The following ABTB3 variants were observed in gnomAD, a reference collection of about 807,000 sequenced individuals.
ABTB3 encodes the protein ankyrin repeat- and BTB/POZ domain-containing protein 3.
the ABTB3 span, among the ~76,000 whole-genome samples, chr12:107,414,880 ATTTT>A: frequency 6.6e-6 from 1 of 151,340 alleles, no homozygotes; most frequent in Non-Finnish European, 1.5e-5. Context: ...ACCATGCCTG[ATTTT>A]TGTATTTTTA....
chr12:107,582,798 G>T, the ABTB3 span, among the ~76,000 whole-genome samples: 1 of 152,116 alleles, frequency 6.6e-6, no homozygotes, highest in East Asian at 1.9e-4. Flanking sequence ...GGGGTGGGCG[G>T]GGCACATTCT....
the ABTB3 span, among the ~76,000 whole-genome samples, chr12:107,639,148 G>A: frequency 6.6e-6 from 1 of 152,216 alleles, no homozygotes; most frequent in African/African-American, 2.4e-5. Context: ...TAAAGGAACA[G>A]TGTGTGCAGA....
chr12:107,439,056 C>T, the ABTB3 span, among the ~76,000 whole-genome samples: 1 of 152,150 alleles, frequency 6.6e-6, no homozygotes, highest in African/African-American at 2.4e-5. Flanking sequence ...GGAAGTGTGG[C>T]TACCATTTGT....
chr12:107,349,773 A>G, the ABTB3 span, among the ~76,000 whole-genome samples: 1 of 152,230 alleles, frequency 6.6e-6, no homozygotes, highest in Non-Finnish European at 1.5e-5. Context: ...TGCATCCTAT[A>G]TTTTAACTGC....
the ABTB3 span, among the ~76,000 whole-genome samples, chr12:107,421,431 C>A: frequency 1.3e-5 from 2 of 152,290 alleles, no homozygotes; most frequent in South Asian, 2.1e-4. Context: ...CAGAAGGGAG[C>A]ACCCGCTCTG....
chr12:107,421,419 G>A, the ABTB3 span, among the ~76,000 whole-genome samples: 3 of 152,314 alleles, frequency 2.0e-5, no homozygotes, highest in East Asian at 3.9e-4. Context: ...ATATATTGGT[G>A]CCAGAAGGGA....
chr12:107,533,566 C>T, the ABTB3 span, among the ~76,000 whole-genome samples: 1 of 152,094 alleles, frequency 6.6e-6, no homozygotes, highest in Non-Finnish European at 1.5e-5. Context: ...CTCCTTTTAG[C>T]AAGAGAATAT....
At chr12:107,441,520 A>G in the ABTB3 span, among the ~76,000 whole-genome samples, 1 of 152,058 alleles carries the variant, frequency 6.6e-6, no homozygotes, top group Non-Finnish European at 1.5e-5. Context: ...TGGGCTTAAT[A>G]CCTAGGTGAT....
the ABTB3 span, among the ~76,000 whole-genome samples, chr12:107,324,595 T>C: frequency 3.0e-4 from 46 of 152,354 alleles, no homozygotes; most frequent in African/African-American, 1.0e-3. Context: ...TAGTCCCTTA[T>C]GTTAATTGGG....
At chr12:107,434,722 G>A in the ABTB3 span, among the ~76,000 whole-genome samples, 1 of 152,088 alleles carries the variant, frequency 6.6e-6, no homozygotes, top group Admixed American at 6.6e-5. Flanking sequence ...AAATTAGCAG[G>A]TCATGGTGGT....
At chr12:107,462,253 A>G in the ABTB3 span, among the ~76,000 whole-genome samples, 11 of 152,240 alleles carry the variant, frequency 7.2e-5, no homozygotes, top group African/African-American at 7.2e-5. Flanking sequence ...CAATGAATGA[A>G]ACTATCTTGA....
the ABTB3 span, among the ~76,000 whole-genome samples, chr12:107,417,570 T>G: frequency 0.062 from 9,381 of 152,278 alleles, 841 homozygotes; most frequent in African/African-American, 0.2. Context: ...CTCAGGCAAG[T>G]TATTCAACCT....
At chr12:107,456,424 G>A in the ABTB3 span, among the ~76,000 whole-genome samples, 21 of 152,306 alleles carry the variant, frequency 1.4e-4, no homozygotes, top group South Asian at 1.7e-3. Context: ...GGCACGAACC[G>A]TATTGTGAAC....
At chr12:107,617,480 G>T in the ABTB3 span, 15 of 1,606,524 alleles carry the variant, frequency 9.3e-6, no homozygotes, top group Non-Finnish European at 1.3e-5. Context: ...AGTGGTGTTT[G>T]TTAAAAATGC....
At chr12:107,469,675 A>G in the ABTB3 span, among the ~76,000 whole-genome samples, 1 of 152,152 alleles carries the variant, frequency 6.6e-6, no homozygotes. Context: ...GGTGGTTGTG[A>G]AGATTTGACT....
chr12:107,504,189 TAA>T, the ABTB3 span, among the ~76,000 whole-genome samples: 1 of 152,242 alleles, frequency 6.6e-6, no homozygotes, highest in African/African-American at 2.4e-5. Context: ...CTAATGTTTT[TAA>T]AAGACAATTT....
At chr12:107,641,824 C>T in the ABTB3 span, among the ~76,000 whole-genome samples, 2 of 152,216 alleles carry the variant, frequency 1.3e-5, no homozygotes, top group African/African-American at 4.8e-5. Flanking sequence ...CAGGGTTTAA[C>T]AGGCACTCAT....
the ABTB3 span, among the ~76,000 whole-genome samples, chr12:107,331,770 G>A: frequency 6.6e-6 from 1 of 152,180 alleles, no homozygotes; most frequent in South Asian, 2.1e-4. Context: ...CCCTTTGGAA[G>A]CCCTCCCCAC....
the ABTB3 span, among the ~76,000 whole-genome samples, chr12:107,364,705 C>T: frequency 3.3e-5 from 5 of 152,114 alleles, no homozygotes; most frequent in East Asian, 7.7e-4. Context: ...ATGGAAAGGG[C>T]CCAGAAGCAG....
Sources: allele counts gnomAD v4.1 joint callset (sites outside exome capture counted in the v4.1 genomes callset), GRCh38; gene constraint gnomAD v4.1.1; transcripts MANE v1.5; gene names NCBI Gene and HGNC (gene_info 2026-07-23, HGNC 2026-07-21).